Variants in TNRC6A observed in about 807,000 individuals in gnomAD.
TNRC6A encodes the protein trinucleotide repeat-containing gene 6A protein.
TNRC6A carries 44 observed loss-of-function variants against 221.2 expected under a neutral mutation model. The observed-to-expected ratio is 0.20, with a 90% CI of 0.16 to 0.26. The LOEUF is 0.26. Among genes scored for constraint, TNRC6A ranks in the 10% least tolerant of loss-of-function variants. The probability of loss-of-function intolerance (pLI) is 1.00; values close to 1 mark genes in which losing one functional copy is unlikely to be tolerated. For missense variants in TNRC6A, 2,199 were observed against 2,404.4 expected, an observed-to-expected ratio of 0.91 and a Z score of 1.79; for synonymous variants, 847 against 838.5, an observed-to-expected ratio of 1.01 and a Z score of -0.18.
At chr16:24,725,530 C>T (rs2056476807), upstream of TNRC6A, among the ~76,000 whole-genome samples, 1 of 152,062 alleles carries the variant, frequency 6.6e-6, no homozygotes, top group African/African-American at 2.4e-5. Context: ...AGACCCCCTC[C>T]TCTCCCCCTC....
intron 2 of TNRC6A, among the ~76,000 whole-genome samples, chr16:24,706,295 G>T (rs1436191784): frequency 2.0e-5 from 3 of 151,998 alleles, no homozygotes; most frequent in Non-Finnish European, 1.5e-5. Context: ...TGAGTCTAAA[G>T]TTCAAATGGA....
chr16:24,727,499 G>A (rs545856200), upstream of TNRC6A, among the ~76,000 whole-genome samples: 2 of 152,104 alleles, frequency 1.3e-5, no homozygotes, highest in Non-Finnish European at 2.9e-5. Context: ...ATACCAATCA[G>A]TAGCATCCAG....
chr16:24,805,445 TGTAA>T lies in TNRC6A; in HGVS notation c.4123-157_4123-154del, dbSNP rs1391421560. 1.4e-4 allele frequency: 147 copies of T among 1,083,744 alleles called. No homozygotes were observed. The Middle Eastern group carries it at 1.4e-3, about 10-fold the overall frequency. 67.1% of individuals were successfully genotyped at this position (1,083,744 alleles called of 1,614,324 possible). On this transcript the variant is annotated intron_variant, in intron 14 of 24. Coordinates refer to ENST00000395799, the MANE Select transcript of TNRC6A (RefSeq NM_014494.4). ...ATCTTTTACTTAACCCACGAAAAAG[TGTAA>T]GTGAGTGGTCAGTTAGTAAGACAGA...
At position 24,741,134 on chromosome 16, in the gene TNRC6A, A is replaced by G. The variant is rs9923053; in HGVS notation, c.54-9592A>G. Among the ~76,000 whole-genome samples the G allele has an allele frequency of 1.3e-4, 20 of 152,280 alleles. No individual in the cohort carries two copies. The East Asian group carries it at 2.9e-3, about 22-fold the overall frequency. ...ACATCTTCTTTTCCAATTTTCGTGC[A>G]TGCTTACTCACACACGCACTCTCTT... On this transcript the variant is annotated intron_variant, in intron 2 of 24. Transcript: ENST00000395799.
chr16:24,771,516 C>CATGTTGTGTTATGTTATGTT (rs2057590731), intron 4 of TNRC6A, among the ~76,000 whole-genome samples: 3 of 88,048 alleles, frequency 3.4e-5, no homozygotes, highest in Admixed American at 2.5e-4. Flanking sequence ...GAGCCTGGTG[C>CATGTTGTGTTATGTTATGTT]ATGTTATGTT....
At chr16:24,778,917 T>C (rs1303692756) in intron 5 of TNRC6A, among the ~76,000 whole-genome samples, 1 of 152,270 alleles carries the variant, frequency 6.6e-6, no homozygotes, top group Non-Finnish European at 1.5e-5. Context: ...ATACAACAGA[T>C]GATGGAGTAC....
At chr16:24,632,401 G>C (rs537085929) in intron 1 of TNRC6A, among the ~76,000 whole-genome samples, 15 of 152,166 alleles carry the variant, frequency 9.9e-5, no homozygotes, top group South Asian at 6.2e-4. Flanking sequence ...CCAAACTCTA[G>C]AAGTCTTTGA....
chr16:24,700,484 C>G (rs373454833), intron 2 of TNRC6A, among the ~76,000 whole-genome samples: 1 of 152,034 alleles, frequency 6.6e-6, no homozygotes, highest in African/African-American at 2.4e-5. Context: ...TGAGCCTCCC[C>G]CCTTGACCTC....
At chr16:24,717,185 A>G (rs1189289525) in intron 2 of TNRC6A, among the ~76,000 whole-genome samples, 1 of 152,098 alleles carries the variant, frequency 6.6e-6, no homozygotes. Context: ...CCTGGACTCA[A>G]GTGAACCTCC....
intron 2 of TNRC6A, among the ~76,000 whole-genome samples, chr16:24,700,435 A>G (rs1458872241): frequency 6.6e-6 from 1 of 151,996 alleles, no homozygotes; most frequent in Admixed American, 6.6e-5. Flanking sequence ...AGGTTTCACC[A>G]TGTTGGCCAG....
intron 1 of TNRC6A, among the ~76,000 whole-genome samples, chr16:24,639,780 G>A (rs751496784): frequency 6.6e-6 from 1 of 152,030 alleles, no homozygotes. Flanking sequence ...TGAGTAGCTG[G>A]GACTTACAGA....
At chr16:24,621,463 G>A (rs1397621041) in intron 1 of TNRC6A, among the ~76,000 whole-genome samples, 1 of 149,914 alleles carries the variant, frequency 6.7e-6, no homozygotes, top group East Asian at 2.0e-4. Context: ...GGTTCAAGCG[G>A]TTCTTGTGCC....
At chr16:24,777,500 T>C (rs569829116) in intron 5 of TNRC6A, 142 bp downstream of exon 5, 1 of 737,350 alleles carries the variant, frequency 1.4e-6, no homozygotes, top group Non-Finnish European at 2.2e-6. Flanking sequence ...TAGGGAGTTA[T>C]GAATGGGGAA....
chr16:24,796,099 C>T (rs963613900), intron 9 of TNRC6A, 160 bp downstream of exon 9: 2 of 720,498 alleles, frequency 2.8e-6, no homozygotes, highest in Admixed American at 4.7e-5. Context: ...CGGGAGCTCA[C>T]AGTCTAGTAT....
Position 24,789,224 on chromosome 16 carries a change from T to C in TNRC6A, c.590-8T>C, listed in dbSNP as rs367938336. 61 of 1,560,718 alleles carry C rather than the reference T, an allele frequency of 3.9e-5. No individual in the cohort carries two copies. The African/African-American group carries it at 7.1e-4, about 18-fold the overall frequency. ...TTTATAAATAGTTGTACTTCTCCTTTATCCTAGATATAAACCACAGTACTT... is the reference window on the plus strand; with the variant it reads ...TTTATAAATAGTTGTACTTCTCCTTCATCCTAGATATAAACCACAGTACTT... On this transcript the variant is annotated splice_polypyrimidine_tract_variant and splice_region_variant and intron_variant, in intron 5 of 24. Transcript: ENST00000395799.
chr16:24,653,734 G>A (rs1449903146), intron 2 of TNRC6A, among the ~76,000 whole-genome samples: 2 of 151,110 alleles, frequency 1.3e-5, no homozygotes, highest in South Asian at 4.2e-4. Context: ...GAACAGAGAT[G>A]GCACCACTGT....
chr16:24,818,749 C>T (rs750244547), intron 21 of TNRC6A, 49 bp downstream of exon 21: 22 of 1,426,794 alleles, frequency 1.5e-5, no homozygotes, highest in Middle Eastern at 1.8e-4. Context: ...CAGCCAGAGC[C>T]GCGGCTGTTG....
chr16:24,613,852 G>A (rs1596534174), intron 1 of TNRC6A, among the ~76,000 whole-genome samples: 1 of 152,238 alleles, frequency 6.6e-6, no homozygotes, highest in South Asian at 2.1e-4. Context: ...AGCATTTTAA[G>A]TAGGGAAGGA....
chr16:24,645,895 T>A (rs1902263891), intron 2 of TNRC6A, among the ~76,000 whole-genome samples: 1 of 141,356 alleles, frequency 7.1e-6, no homozygotes, highest in South Asian at 2.3e-4. Flanking sequence ...TGCGTGCATC[T>A]GTAGTCCCAG....
Sources: allele counts gnomAD v4.1 joint callset (sites outside exome capture counted in the v4.1 genomes callset), GRCh38; gene constraint gnomAD v4.1.1; transcripts MANE v1.5; gene names NCBI Gene and HGNC (gene_info 2026-07-23, HGNC 2026-07-21).